Variants in MMP24 observed in about 807,000 individuals in gnomAD.
MMP24 encodes matrix metalloproteinase-24.
In MMP24, 25 loss-of-function variants were observed where a neutral mutation model predicts 62.8. The observed-to-expected ratio is 0.40, with a 90% CI of 0.29 to 0.56. The LOEUF (loss-of-function observed/expected upper bound fraction) is 0.56. Among genes scored for constraint, MMP24 ranks in the 20% least tolerant of loss-of-function variants. MMP24 has a pLI of 0.50. For synonymous variants in MMP24, 319 were observed against 350.5 expected, an observed-to-expected ratio of 0.91 and a Z score of 1.00; for missense variants, 634 against 853.6, an observed-to-expected ratio of 0.74 and a Z score of 3.21.
intron 1 of MMP24, among the ~76,000 whole-genome samples, chr20:35,237,354 C>T (rs56280929): frequency 0.084 from 12,730 of 152,200 alleles, 755 homozygotes; most frequent in South Asian, 0.19. Context: ...CTTGTGGCCC[C>T]TTCTAGCAGC....
At chr20:35,253,270 C>CTTTTTTTT (rs34474017) in intron 3 of MMP24, among the ~76,000 whole-genome samples, 831 of 78,992 alleles carry the variant, frequency 0.011, 89 homozygotes, top group African/African-American at 0.025. Flanking sequence ...CAGAACGGGA[C>CTTTTTTTT]TTTTTTTTTT....
rs903573499 is a variant in MMP24, at chr20:35,265,932, G to A, written c.980-1273G>A. ...GCAGGTCTGTAAAGCCATGAGCCTG[G>A]ATGAGACCACCTAGAGCAGTGATTC... On this transcript the variant is annotated intron_variant, in intron 5 of 8. Transcript: ENST00000246186. 5.3e-5 allele frequency among the ~76,000 whole-genome samples: 8 copies of A among 151,964 alleles called. 1 individual carries two copies. The highest frequency in any genetic ancestry group is 1.7e-4 in the African/African-American group (7 of 41,378).
At chr20:35,247,086 TTCCTATCTTTTATTCCTGCAGTGCCATCC>T in intron 2 of MMP24, 98 bp downstream of exon 2, 3 of 1,401,240 alleles carry the variant, frequency 2.1e-6, no homozygotes, top group Non-Finnish European at 3.0e-6. Flanking sequence ...CCATCCTCCC[TTCCTATCTTTTATTCCTGCAGTGCCATCC>T]TGGGAAAGAA....
At position 35,261,715 on chromosome 20, in the gene MMP24, C is replaced by T. The variant is rs558177748; in HGVS notation, c.818-2076C>T. 8.4e-4 allele frequency among the ~76,000 whole-genome samples: 127 copies of T among 152,036 alleles called. 2 individuals are homozygous for T. In the South Asian group the frequency reaches 0.026, roughly 31 times the overall value. ...ACGCCCGGGCCCCACCTGCCCTGCCCGGGGTCTCCTGAAGCTGACTGCCAG... is the reference window on the plus strand; with the variant it reads ...ACGCCCGGGCCCCACCTGCCCTGCCTGGGGTCTCCTGAAGCTGACTGCCAG... On this transcript the variant is annotated intron_variant, in intron 4 of 8. Coordinates refer to ENST00000246186, the MANE Select transcript of MMP24 (RefSeq NM_006690.4).
intron 3 of MMP24, among the ~76,000 whole-genome samples, chr20:35,252,314 T>TATG: frequency 6.6e-6 from 1 of 152,194 alleles, no homozygotes; most frequent in South Asian, 2.1e-4. Flanking sequence ...GGAAGTGGGG[T>TATG]ATGAATGGTT....
In MMP24 at chr20:35,269,757, C is replaced by A; in HGVS notation, c.1195-3C>A. ...TCTCTCCCCCTCTCCCGCTTCCTCC[C>A]AGGATCGCTGGTTCTGGCGTCTGCG... is the stretch of plus-strand genomic sequence containing the variant. On this transcript the variant is annotated splice_polypyrimidine_tract_variant and splice_region_variant and intron_variant, in intron 6 of 8. Coordinates refer to ENST00000246186, the MANE Select transcript of MMP24 (RefSeq NM_006690.4). The surrounding 1 kb of genome is among the most constrained non-coding windows in gnomAD (Gnocchi z 4.6). 6.4e-7 allele frequency: 1 copy of A among 1,568,896 alleles called. No individual in the cohort carries two copies. Among genetic ancestry groups the A allele is most frequent in the East Asian group, 2.4e-5 (1 of 42,068 alleles).
chr20:35,260,462 C>T (rs191419990), intron 4 of MMP24, among the ~76,000 whole-genome samples: 348 of 152,348 alleles, frequency 2.3e-3, no homozygotes, highest in Non-Finnish European at 4.1e-3. Flanking sequence ...GTGGACAGCC[C>T]CTGGGGAAGA....
intron 1 of MMP24, among the ~76,000 whole-genome samples, chr20:35,231,733 T>C (rs1600770138): frequency 6.6e-6 from 1 of 152,244 alleles, no homozygotes; most frequent in East Asian, 1.9e-4. Context: ...TATCATCTTG[T>C]CTAAGGACCC....
intron 1 of MMP24, among the ~76,000 whole-genome samples, 158 bp downstream of exon 1, chr20:35,227,142 A>T: frequency 7.0e-6 from 1 of 142,430 alleles, no homozygotes; most frequent in South Asian, 2.3e-4. Context: ...GGCGCGGCCC[A>T]GGGCGGGGGC....
rs1325793538 is a variant in MMP24, at chr20:35,226,962, C to T, written c.224C>T (p.Ala75Val). ...VAVAVARADE[A>V]EAPFAGQNWL... ...GTGGCGGTGGCGCGGGCGGACGAGGCGGAGGCGCCCTTCGCCGGGCAGGTG... is the reference window on the plus strand; with the variant it reads ...GTGGCGGTGGCGCGGGCGGACGAGGTGGAGGCGCCCTTCGCCGGGCAGGTG... The change falls in exon 1 of 9, where the codon GCG becomes GTG. Residue 75 changes from alanine to valine, a missense_variant. Transcript: ENST00000246186. 16 of 979,830 alleles carry T rather than the reference C, an allele frequency of 1.6e-5. No individual in the cohort carries two copies. The highest frequency in any genetic ancestry group is 7.1e-5 in the African/African-American group (4 of 56,356). The allele number at this position is 979,830 out of a possible 1,614,324, so 60.7% of individuals were successfully genotyped here. A position where few individuals can be genotyped will look rare whatever the true frequency, so the allele number is the denominator to read the frequency against.
intron 1 of MMP24, among the ~76,000 whole-genome samples, chr20:35,233,171 T>C (rs575836882): frequency 3.9e-5 from 6 of 152,288 alleles, no homozygotes; most frequent in African/African-American, 1.4e-4. Context: ...TTTATACATA[T>C]GTATGTATAA....
chr20:35,272,202 G>T (rs927219867), intron 8 of MMP24: 1 of 424,112 alleles, frequency 2.4e-6, no homozygotes, highest in Non-Finnish European at 4.2e-6. Context: ...AGGGCTCGAG[G>T]GCAAGAAGAT....
chr20:35,242,439 G>A (rs572641069), intron 1 of MMP24, among the ~76,000 whole-genome samples: 17 of 152,164 alleles, frequency 1.1e-4, no homozygotes, highest in Non-Finnish European at 2.5e-4. Flanking sequence ...GATGAAAAAA[G>A]TAATGGTTAC....
At chr20:35,245,119 C>T (rs965177828) in intron 1 of MMP24, among the ~76,000 whole-genome samples, 6 of 151,912 alleles carry the variant, frequency 3.9e-5, no homozygotes, top group East Asian at 3.9e-4. Context: ...CTCTTACTCC[C>T]GGGCTCAAGC....
chr20:35,268,207 A>G (rs1036689703), intron 6 of MMP24, among the ~76,000 whole-genome samples: 4 of 152,132 alleles, frequency 2.6e-5, no homozygotes, highest in African/African-American at 9.7e-5. Flanking sequence ...TCATTCAATC[A>G]CTGGATGAGG....
At chr20:35,234,854 CTA>C (rs914505282) in intron 1 of MMP24, among the ~76,000 whole-genome samples, 2 of 152,156 alleles carry the variant, frequency 1.3e-5, no homozygotes, top group Admixed American at 6.5e-5. Flanking sequence ...TCATAGTGAG[CTA>C]TGATTGTGCC....
chr20:35,259,166 G>A (rs1237786074), intron 4 of MMP24, among the ~76,000 whole-genome samples: 2 of 152,186 alleles, frequency 1.3e-5, no homozygotes, highest in Non-Finnish European at 2.9e-5. Context: ...GGGTGACAGA[G>A]TGAGATCCTG....
chr20:35,239,807 AAAC>A (rs2060480728), intron 1 of MMP24, among the ~76,000 whole-genome samples: 1 of 152,204 alleles, frequency 6.6e-6, no homozygotes, highest in Non-Finnish European at 1.5e-5. Context: ...TCTCAAAAAA[AAAC>A]CAACCAAACA....
Position 35,266,395 on chromosome 20 carries a change from G to A in MMP24, c.980-810G>A, listed in dbSNP as rs539924260. On this transcript the variant is annotated intron_variant, in intron 5 of 8. Coordinates refer to ENST00000246186, the MANE Select transcript of MMP24 (RefSeq NM_006690.4). ...AAAAAAGTTGGAGAGCTGGCCTGGTGCTTCCTGAACATCCAGTTTGAAAAG... is the reference window on the plus strand; with the variant it reads ...AAAAAAGTTGGAGAGCTGGCCTGGTACTTCCTGAACATCCAGTTTGAAAAG... 4.0e-5 allele frequency among the ~76,000 whole-genome samples: 6 copies of A among 150,744 alleles called. No individual in the cohort carries two copies. The South Asian group carries it at 8.4e-4, about 21-fold the overall frequency.
Sources: gnomAD v4.1 joint callset for allele counts (sites outside exome capture counted in the v4.1 genomes callset) on GRCh38, gnomAD v4.1.1 for gene constraint, Gnocchi (gnomAD v3.1) non-coding constraint, MANE v1.5 for transcripts, NCBI Gene and HGNC (gene_info 2026-07-23, HGNC 2026-07-21) for gene names.